Variants in MYADM observed in about 807,000 individuals in gnomAD.
The protein encoded by MYADM is myeloid-associated differentiation marker.
For missense variants in MYADM, 416 were observed against 443.4 expected (o/e 0.94, Z 0.56); for synonymous variants, 224 against 210.2 (o/e 1.07, Z -0.57).
chr19:53,870,560 C>T (rs2068362497), intron 2 of MYADM, among the ~76,000 whole-genome samples: 1 of 152,104 alleles, frequency 6.6e-6, no homozygotes, highest in Non-Finnish European at 1.5e-5. Flanking sequence ...ACTGAGGTAT[C>T]TGAGGAAGAA....
chr19:53,873,272 T>G lies in MYADM; in HGVS notation c.-2-256T>G, dbSNP rs1276425412. ...CTGTAATCTCAGCTACTCGGGAGGCTGAGGCAGGAGAATCACTTGAACCTG... is the reference window on the plus strand; with the variant it reads ...CTGTAATCTCAGCTACTCGGGAGGCGGAGGCAGGAGAATCACTTGAACCTG... On this transcript the variant is annotated intron_variant, in intron 2 of 2. Coordinates refer to ENST00000391770, the MANE Select transcript of MYADM (RefSeq NM_138373.5). The surrounding 1 kb of genome is among the most constrained non-coding windows in gnomAD (Gnocchi z 4.3). Among the ~76,000 whole-genome samples the G allele has an allele frequency of 6.6e-6, 1 of 151,822 alleles. No homozygotes were observed. Among genetic ancestry groups the G allele is most frequent in the African/African-American group, 2.4e-5 (1 of 41,282 alleles).
At chr19:53,872,610 A>G (rs2068415291) in intron 2 of MYADM, 2 of 151,696 alleles carry the variant, frequency 1.3e-5, no homozygotes, top group African/African-American at 2.4e-5. Flanking sequence ...AGGCTCAAGC[A>G]ATCCTCCCAC....
chr19:53,871,155 C>T (rs1247100209), intron 2 of MYADM, among the ~76,000 whole-genome samples: 1 of 152,024 alleles, frequency 6.6e-6, no homozygotes, highest in Non-Finnish European at 1.5e-5. Flanking sequence ...CGCTTGAATC[C>T]GGGAGGCGGA....
In MYADM at chr19:53,868,203, A is replaced by C. The variant is rs1482495080; in HGVS notation, c.-88+260A>C. On this transcript the variant is annotated intron_variant, in intron 1 of 2. Coordinates refer to ENST00000391770, the MANE Select transcript of MYADM (RefSeq NM_138373.5). This position sits in a 1 kb window ranked among gnomAD's most constrained non-coding sequence, Gnocchi z 6.3. ...TCTGGACTCCCGGGTCCGAGGCAGG[A>C]GGGGCTGGGGGGTCTGGACTCCTGG... Among the ~76,000 whole-genome samples, 1 of 112,552 alleles carries C rather than the reference A, an allele frequency of 8.9e-6. No individual in the cohort carries two copies. Among genetic ancestry groups the C allele is most frequent in the South Asian group, 2.8e-4 (1 of 3,522 alleles). The allele number at this position is 112,552 out of a possible 152,430, so 73.8% of individuals were successfully genotyped here. A position where few individuals can be genotyped will look rare whatever the true frequency, so the allele number is the denominator to read the frequency against.
chr19:53,874,110 C>G lies in MYADM; in HGVS notation c.581C>G (p.Pro194Arg), dbSNP rs759156943. Residue 194 changes from proline to arginine, a missense_variant, in exon 3 of 3, where the codon CCC becomes CGC. Pro to Arg is a moderately radical substitution (Grantham distance 103). Transcript: ENST00000391770. ...ACIIFAFISDPNLYQHQPALE... is the reference protein window; with the variant it reads ...ACIIFAFISDRNLYQHQPALE... ...ATCATCTTCGCGTTCATCAGCGACC[C>G]CAACCTGTACCAGCACCAGCCGGCC... 1 of 1,612,930 alleles carries G rather than the reference C, an allele frequency of 6.2e-7. No homozygotes were observed. Among genetic ancestry groups the G allele is most frequent in the Non-Finnish European group, 8.5e-7 (1 of 1,180,034 alleles).
chr19:53,865,745 G>A (rs1013597490), upstream of MYADM: 3 of 152,210 alleles, frequency 2.0e-5, no homozygotes, highest in African/African-American at 2.4e-5. Context: ...TGTGTAAGTG[G>A]AGACCACCTC....
chr19:53,871,586 C>T (rs564425465), intron 2 of MYADM, among the ~76,000 whole-genome samples: 18 of 152,190 alleles, frequency 1.2e-4, no homozygotes, highest in African/African-American at 4.1e-4. Context: ...TGGTTTTCCA[C>T]GGCTGGGATC....
In MYADM at chr19:53,869,779, T is replaced by G. The variant is rs570576444; in HGVS notation, c.-62T>G. On this transcript the variant is annotated 5_prime_UTR_variant, in exon 2 of 3. Transcript: ENST00000391770. The stretch of plus-strand genomic sequence containing the variant: ...GTGCTCTTACAGCCTGTTCCAAGTG[T>G]GGCTTAATCCGTCTCCACCACCAGA... 1.4e-3 allele frequency: 212 copies of G among 153,244 alleles called. 2 individuals are homozygous for G. Among genetic ancestry groups the G allele is most frequent in the Middle Eastern group, 0.013 (4 of 300 alleles). 9.5% of individuals were successfully genotyped at this position (153,244 alleles called of 1,614,324 possible).
In MYADM at chr19:53,874,341, C is replaced by G; in HGVS notation, c.812C>G (p.Pro271Arg). Reference protein sequence around the residue: ...YQFDEKYGGQPRRSRDVSCSR... With the variant: ...YQFDEKYGGQRRRSRDVSCSR... ...TTCGATGAGAAGTATGGCGGCCAGC[C>G]TCGGCGCTCGAGAGATGTAAGCTGC... The change falls in exon 3 of 3, where the codon CCT becomes CGT. Residue 271 changes from proline (P) to arginine (R), a missense_variant. Physicochemically the swap from Pro to Arg is moderately radical, Grantham distance 103. Coordinates refer to ENST00000391770, the MANE Select transcript of MYADM (RefSeq NM_138373.5). The G allele has an allele frequency of 6.2e-7, 1 of 1,613,524 alleles. No individual in the cohort carries two copies. Among genetic ancestry groups the G allele is most frequent in the Non-Finnish European group, 8.5e-7 (1 of 1,179,452 alleles).
intron 1 of MYADM, chr19:53,869,245 G>C (rs888349709): frequency 1.3e-5 from 2 of 152,304 alleles, no homozygotes; most frequent in Admixed American, 6.5e-5. Context: ...GCTCTTGGGG[G>C]GGCTCTCAGC....
chr19:53,869,545 G>C (rs1029850385), intron 1 of MYADM: 1 of 152,500 alleles, frequency 6.6e-6, no homozygotes, highest in Admixed American at 6.5e-5. Context: ...ACGCGCCCAC[G>C]CCGGCCCGCG....
Position 53,873,505 on chromosome 19 carries a change from C to A in MYADM, c.-2-23C>A. On this transcript the variant is annotated intron_variant, in intron 2 of 2. Transcript: ENST00000391770. The surrounding 1 kb of genome is among the most constrained non-coding windows in gnomAD (Gnocchi z 4.3). ...TCTTATGTTTGTGACTGTATAAGGA[C>A]ACTGTCTTTCCCCTTTTTGCAGCCA... is the stretch of plus-strand genomic sequence containing the variant. 6.3e-7 allele frequency: 1 copy of A among 1,576,844 alleles called. No individual in the cohort carries two copies. The highest frequency in any genetic ancestry group is 1.4e-5 in the African/African-American group (1 of 73,744).
Position 53,874,774 on chromosome 19 carries a change from T to TC in MYADM, c.*276_*277insC, listed in dbSNP as rs879047972. On this transcript the variant is annotated 3_prime_UTR_variant, in exon 3 of 3. Coordinates refer to ENST00000391770, the MANE Select transcript of MYADM (RefSeq NM_138373.5). ...GAGCTGTTTCTCTTTTTCTTTTCTT[T>TC]TTTTTTTTTTTTTTTTTTTAAGACG... 1,987 of 182,650 alleles carry TC rather than the reference T, an allele frequency of 0.011. 85 individuals are homozygous for TC. Among genetic ancestry groups the TC allele is most frequent in the African/African-American group, 0.047 (1,659 of 35,130 alleles). The allele number at this position is 182,650 out of a possible 1,614,324, so 11.3% of individuals were successfully genotyped here.
At position 53,874,771 on chromosome 19, in the gene MYADM, C is replaced by CA; in HGVS notation, c.*273_*274insA. 1 of 171,512 alleles carries CA rather than the reference C, an allele frequency of 5.8e-6. No individual in the cohort carries two copies. Among genetic ancestry groups the CA allele is most frequent in the African/African-American group, 2.9e-5 (1 of 34,740 alleles). 10.6% of individuals were successfully genotyped at this position (171,512 alleles called of 1,614,324 possible). On this transcript the variant is annotated 3_prime_UTR_variant, in exon 3 of 3. Coordinates refer to ENST00000391770, the MANE Select transcript of MYADM (RefSeq NM_138373.5). ...CCTGAGCTGTTTCTCTTTTTCTTTT[C>CA]TTTTTTTTTTTTTTTTTTTTTTAAG...
rs4023843 is a variant in MYADM at position 53,876,261 on chromosome 19, G to GATATATATATATATATATATAT, written c.*1784_*1785insTATATATATATATATATATATA. On this transcript the variant is annotated 3_prime_UTR_variant, in exon 3 of 3. Transcript: ENST00000391770. ...TGTCTGGGACTCACATACATAACGT[G>GATATATATATATATATATATAT]ATATATATATATATATATATAAATG... The GATATATATATATATATATATAT allele has an allele frequency of 6.7e-6, 1 of 149,782 alleles. No individual in the cohort carries two copies. Among genetic ancestry groups the GATATATATATATATATATATAT allele is most frequent in the African/African-American group, 2.6e-5 (1 of 39,138 alleles). 9.3% of individuals were successfully genotyped at this position (149,782 alleles called of 1,614,324 possible).
Position 53,874,083 on chromosome 19 carries a change from G to A in MYADM, c.554G>A (p.Cys185Tyr). 1 of 1,611,662 alleles carries A rather than the reference G, an allele frequency of 6.2e-7. No homozygotes were observed. Residue 185 changes from cysteine to tyrosine, a missense_variant, in exon 3 of 3, where the codon TGC becomes TAC. Cys to Tyr is a radical substitution (Grantham distance 194). Coordinates refer to ENST00000391770, the MANE Select transcript of MYADM (RefSeq NM_138373.5). ...AAGGTGCTGGAGACCTTCGTTGCCT[G>A]CATCATCTTCGCGTTCATCAGCGAC... ...LLKVLETFVA[C>Y]IIFAFISDPN...
chr19:53,874,617 C>A lies in MYADM; in HGVS notation c.*119C>A. The A allele has an allele frequency of 8.3e-7, 1 of 1,208,504 alleles. No homozygotes were observed. The highest frequency in any genetic ancestry group is 1.5e-5 in the African/African-American group (1 of 64,834). 74.9% of individuals were successfully genotyped at this position (1,208,504 alleles called of 1,614,324 possible). On this transcript the variant is annotated 3_prime_UTR_variant, in exon 3 of 3. Coordinates refer to ENST00000391770, the MANE Select transcript of MYADM (RefSeq NM_138373.5). ...CTGTTTTCCTCTTCCTGTCTCCCCT[C>A]CCTCCCACCTTTTTCTTTCCTTCCC...
In MYADM at chr19:53,873,462, T is replaced by A; in HGVS notation, c.-2-66T>A. On this transcript the variant is annotated intron_variant, in intron 2 of 2. Coordinates refer to ENST00000391770, the MANE Select transcript of MYADM (RefSeq NM_138373.5). This position sits in a 1 kb window ranked among gnomAD's most constrained non-coding sequence, Gnocchi z 4.3. The stretch of plus-strand genomic sequence containing the variant: ...ATTAATTTGTCCCTGGGGTAGGCAA[T>A]GGCTAAGGGACCTGGATTCTTATGT... The A allele has an allele frequency of 6.6e-7, 1 of 1,508,762 alleles. No individual in the cohort carries two copies. The allele number at this position is 1,508,762 out of a possible 1,614,324, so 93.5% of individuals were successfully genotyped here.
rs755142485 is a variant in MYADM, at chr19:53,874,238, C to T, written c.709C>T (p.Pro237Ser). The stretch of plus-strand genomic sequence containing the variant: ...CACCAACGTGCTACCCATCCCCTTC[C>T]CCAGCTTCCTGTCGGGGCTGGCCTT... ...ECTNVLPIPFPSFLSGLALLS... is the reference protein window; with the variant it reads ...ECTNVLPIPFSSFLSGLALLS... Residue 237 changes from proline (P) to serine (S), a missense_variant, in exon 3 of 3, where the codon CCC (proline) becomes TCC (serine). By Grantham distance (74) the Pro-to-Ser change is moderately conservative. Coordinates refer to ENST00000391770, the MANE Select transcript of MYADM (RefSeq NM_138373.5). 3.1e-6 allele frequency: 5 copies of T among 1,610,950 alleles called. No homozygotes were observed. The African/African-American group carries it at 4.0e-5, about 13-fold the overall frequency.
Sources: allele counts gnomAD v4.1 joint callset (sites outside exome capture counted in the v4.1 genomes callset), GRCh38; gene constraint gnomAD v4.1.1; non-coding constraint Gnocchi (gnomAD v3.1); transcripts MANE v1.5; gene names NCBI Gene and HGNC (gene_info 2026-07-23, HGNC 2026-07-21).